The following MINDY1 variants were observed in gnomAD, a reference collection of about 807,000 sequenced individuals.
MINDY1 encodes the protein MINDY lysine 48 deubiquitinase 1.
MINDY1 carries 50 observed loss-of-function variants against 53.6 expected under a neutral mutation model. That is an observed-to-expected ratio of 0.93 (90% CI 0.74 to 1.18). MINDY1 has a LOEUF of 1.18. Among genes scored for constraint, MINDY1 ranks in the 50% most tolerant of loss-of-function variants. The pLI is 0.00. For missense variants in MINDY1, 484 were observed against 578.6 expected (o/e 0.84, Z 1.68); for synonymous variants, 231 against 234.7 (o/e 0.98, Z 0.14).
At position 151,002,164 on chromosome 1, in the gene MINDY1, C is replaced by A. The variant is rs774651494; in HGVS notation, c.453+1G>T. ...GCACCCCTAACTGCATGTTCTCTTA[C>A]CTTCCACTGAAGAAAGAGGATGTTC... is the stretch of plus-strand genomic sequence containing the variant. On this transcript the variant is annotated splice_donor_variant, in intron 2 of 9. Transcript: ENST00000683666. LOFTEE classifies it high-confidence loss of function. This position sits in a 1 kb window ranked among gnomAD's most constrained non-coding sequence, Gnocchi z 4.1. 1 of 1,600,858 alleles carries A rather than the reference C, an allele frequency of 6.2e-7. No individual in the cohort carries two copies.
At chr1:151,001,036 C>T (rs1306297593) in intron 4 of MINDY1, among the ~76,000 whole-genome samples, 6 of 152,102 alleles carry the variant, frequency 3.9e-5, no homozygotes, top group Non-Finnish European at 8.8e-5. Context: ...AGTGATCCTC[C>T]CGCTTTGGCA....
rs1193098616 is a variant in MINDY1 at position 151,002,401 on chromosome 1, C to T, written c.217G>A (p.Ala73Thr). The T allele has an allele frequency of 6.2e-7, 1 of 1,614,154 alleles. No individual in the cohort carries two copies. Among genetic ancestry groups the T allele is most frequent in the Non-Finnish European group, 8.5e-7 (1 of 1,180,020 alleles). The change falls in exon 2 of 10, where the codon GCT becomes ACT. Residue 73 changes from alanine (A) to threonine (T), a missense_variant. Ala to Thr is a moderately conservative substitution (Grantham distance 58). Transcript: ENST00000683666. The surrounding 1 kb of genome is among the most constrained non-coding windows in gnomAD (Gnocchi z 4.1). Reference sequence around the variant, plus strand: ...GTTGGCCCCGGTGGAGCTGAGCTAGCTTCAGGCAGAGGGGACTCAAGGTTG... The same window carrying T: ...GTTGGCCCCGGTGGAGCTGAGCTAGTTTCAGGCAGAGGGGACTCAAGGTTG... ...GDNLESPLPE[A>T]SSAPPGPTLG...
At position 151,002,539 on chromosome 1, in the gene MINDY1, C is replaced by A; in HGVS notation, c.79G>T (p.Val27Phe). The A allele has an allele frequency of 1.9e-6, 3 of 1,614,192 alleles. No homozygotes were observed. The highest frequency in any genetic ancestry group is 2.5e-6 in the Non-Finnish European group (3 of 1,180,032). ...AEAVIPENHE[V>F]LAGPDEHPQD... ...GGGTGCTCATCTGGGCCTGCCAGAA[C>A]CTCATGGTTTTCAGGGATGACTGCT... The change falls in exon 2 of 10, where the codon GTT becomes TTT. Residue 27 changes from valine to phenylalanine, a missense_variant. Physicochemically the swap from Val to Phe is conservative, Grantham distance 50. Transcript: ENST00000683666. This position sits in a 1 kb window ranked among gnomAD's most constrained non-coding sequence, Gnocchi z 4.1.
chr1:151,002,495 T>A lies in MINDY1; in HGVS notation c.123A>T (p.Arg41Ser), dbSNP rs41310885. The change falls in exon 2 of 10, where the codon AGA (arginine) becomes AGT (serine). Residue 41 changes from arginine (R) to serine (S), a missense_variant. Transcript: ENST00000683666. The surrounding 1 kb of genome is among the most constrained non-coding windows in gnomAD (Gnocchi z 4.1). The part of the protein sequence containing the change: ...PDEHPQDTDA[R>S]DADGEARERE... Reference sequence around the variant, plus strand: ...GTTCTCTAGCCTCCCCATCAGCATCTCTTGCATCTGTGTCCTGAGGGTGCT... The same window carrying A: ...GTTCTCTAGCCTCCCCATCAGCATCACTTGCATCTGTGTCCTGAGGGTGCT... 0.064 allele frequency: 103,752 copies of A among 1,614,132 alleles called. 3,848 individuals are homozygous for A. The highest frequency in any genetic ancestry group is 0.13 in the African/African-American group (10,022 of 74,994).
chr1:151,002,861 C>A lies in MINDY1; in HGVS notation c.-89-155G>T. 7.0e-7 allele frequency: 1 copy of A among 1,424,210 alleles called. No individual in the cohort carries two copies. Among genetic ancestry groups the A allele is most frequent in the Non-Finnish European group, 9.1e-7 (1 of 1,092,984 alleles). The allele number at this position is 1,424,210 out of a possible 1,614,324, so 88.2% of individuals were successfully genotyped here. A position where few individuals can be genotyped will look rare whatever the true frequency, so the allele number is the denominator to read the frequency against. ...AAACAGAAGGGCCCCGTGCTGAGCT[C>A]TTTCCACCTCTAACTTGCTGTGACC... On this transcript the variant is annotated intron_variant, in intron 1 of 9. Coordinates refer to ENST00000683666, the MANE Select transcript of MINDY1 (RefSeq NM_001376665.1). The surrounding 1 kb of genome is among the most constrained non-coding windows in gnomAD (Gnocchi z 4.1).
At chr1:151,005,585 A>G (rs1673100127) in intron 1 of MINDY1, among the ~76,000 whole-genome samples, 1 of 152,138 alleles carries the variant, frequency 6.6e-6, no homozygotes, top group Non-Finnish European at 1.5e-5. Flanking sequence ...AGGTGAGCCA[A>G]AGGAACCCAG....
Position 150,999,319 on chromosome 1 carries a change from G to T in MINDY1, c.981+50C>A. 2 of 1,607,218 alleles carry T rather than the reference G, an allele frequency of 1.2e-6. No individual in the cohort carries two copies. Among genetic ancestry groups the T allele is most frequent in the Non-Finnish European group, 1.7e-6 (2 of 1,175,118 alleles). ...TCCCAGCTGGACCCACGAGAAAAAGGCACCAGGAAATGACAGCACCGCAGC... is the reference window on the plus strand; with the variant it reads ...TCCCAGCTGGACCCACGAGAAAAAGTCACCAGGAAATGACAGCACCGCAGC... On this transcript the variant is annotated intron_variant, in intron 7 of 9. Coordinates refer to ENST00000683666, the MANE Select transcript of MINDY1 (RefSeq NM_001376665.1). This position sits in a 1 kb window ranked among gnomAD's most constrained non-coding sequence, Gnocchi z 4.4.
intron 1 of MINDY1, among the ~76,000 whole-genome samples, chr1:151,003,785 C>T (rs985300469): frequency 1.3e-5 from 2 of 152,086 alleles, no homozygotes; most frequent in Non-Finnish European, 2.9e-5. Context: ...CCAGAAACTA[C>T]CTAAACCCAG....
intron 2 of MINDY1, 111 bp from the exon 3 acceptor site, chr1:151,001,893 G>T: frequency 1.7e-6 from 2 of 1,192,496 alleles, no homozygotes; most frequent in South Asian, 1.6e-5. Flanking sequence ...TAGGAAAAAA[G>T]GCTTGCAACT....
rs1673237676 is a variant in MINDY1, at chr1:151,006,561, C to T, written c.-339G>A. The T allele has an allele frequency of 1.0e-6, 1 of 997,896 alleles. No individual in the cohort carries two copies. The highest frequency in any genetic ancestry group is 4.5e-5 in the South Asian group (1 of 22,334). The allele number at this position is 997,896 out of a possible 1,614,324, so 61.8% of individuals were successfully genotyped here. ...GGCAGGCAGGGACACAGCCAAGGTG[C>T]TCCAGGTCGCTCAGAGAGTCTTCAG... On this transcript the variant is annotated 5_prime_UTR_variant, in exon 1 of 10. Coordinates refer to ENST00000683666, the MANE Select transcript of MINDY1 (RefSeq NM_001376665.1).
intron 9 of MINDY1, 60 bp downstream of exon 9, chr1:150,997,564 C>G: frequency 6.2e-7 from 1 of 1,601,592 alleles, no homozygotes; most frequent in Non-Finnish European, 8.5e-7. Flanking sequence ...AACAGGTGTT[C>G]TGGACCCGGC....
At chr1:151,000,655 T>G (rs1194903291) in intron 4 of MINDY1, 40 bp from the exon 5 acceptor site, 8 of 1,582,864 alleles carry the variant, frequency 5.1e-6, no homozygotes, top group Non-Finnish European at 6.0e-6. Flanking sequence ...TCTAGCCTTC[T>G]CTCCCACCAC....
chr1:150,998,344 G>C, intron 7 of MINDY1, 71 bp from the exon 8 acceptor site: 4 of 1,423,716 alleles, frequency 2.8e-6, no homozygotes, highest in Non-Finnish European at 3.8e-6. Flanking sequence ...AGAAATCTCG[G>C]TATGAGCATG....
rs1257877017 is a variant in MINDY1, at chr1:151,002,724, A to T, written c.-89-18T>A. 1 of 1,559,306 alleles carries T rather than the reference A, an allele frequency of 6.4e-7. No individual in the cohort carries two copies. ...AGAGTGACCTGTCCAATAAGAAGGA[A>T]ATCAGTGGGCTGGAAAGCAAACTAA... On this transcript the variant is annotated intron_variant, in intron 1 of 9. Transcript: ENST00000683666. This position sits in a 1 kb window ranked among gnomAD's most constrained non-coding sequence, Gnocchi z 4.1.
chr1:151,003,639 G>A (rs1420103194), intron 1 of MINDY1, among the ~76,000 whole-genome samples: 3 of 152,032 alleles, frequency 2.0e-5, no homozygotes, highest in Non-Finnish European at 4.4e-5. Flanking sequence ...TAACTCCTGG[G>A]GGCCCAAGCA....
At chr1:151,007,639 T>C (rs2102880587), upstream of MINDY1, among the ~76,000 whole-genome samples, 1 of 152,264 alleles carries the variant, frequency 6.6e-6, no homozygotes, top group East Asian at 1.9e-4. Flanking sequence ...CAGGAAAAGC[T>C]GGTGTGAGGC....
Position 151,002,263 on chromosome 1 carries a change from T to G in MINDY1, c.355A>C (p.Ile119Leu), listed in dbSNP as rs771387971. The change falls in exon 2 of 10, where the codon ATC (isoleucine) becomes CTC (leucine). Residue 119 changes from isoleucine to leucine, a missense_variant. Ile to Leu is a conservative substitution (Grantham distance 5). Transcript: ENST00000683666. This position sits in a 1 kb window ranked among gnomAD's most constrained non-coding sequence, Gnocchi z 4.1. ...GGTGTCTGTTCTCCTTTCCAAGGGATCCACTTGACACAGTAGAAATCTGGC... is the reference window on the plus strand; with the variant it reads ...GGTGTCTGTTCTCCTTTCCAAGGGAGCCACTTGACACAGTAGAAATCTGGC... ...PEPDFYCVKW[I>L]PWKGEQTPII... The G allele has an allele frequency of 3.1e-6, 5 of 1,614,204 alleles. No individual in the cohort carries two copies. The South Asian group carries it at 5.5e-5, about 18-fold the overall frequency.
chr1:151,005,400 C>T (rs1461944293), intron 1 of MINDY1, among the ~76,000 whole-genome samples: 1 of 145,048 alleles, frequency 6.9e-6, no homozygotes, highest in Admixed American at 7.2e-5. Flanking sequence ...TGCAGTAAGC[C>T]AAGATTGTGC....
intron 8 of MINDY1, 118 bp downstream of exon 8, chr1:150,997,964 G>C: frequency 1.0e-5 from 13 of 1,246,228 alleles, no homozygotes; most frequent in Non-Finnish European, 1.4e-5. Flanking sequence ...GAGACGGTCT[G>C]AGGTAACCCA....
Sources: gnomAD v4.1 joint callset for allele counts (sites outside exome capture counted in the v4.1 genomes callset) on GRCh38, gnomAD v4.1.1 for gene constraint, Gnocchi (gnomAD v3.1) non-coding constraint, MANE v1.5 for transcripts, NCBI Gene and HGNC (gene_info 2026-07-23, HGNC 2026-07-21) for gene names.